Variants in GTF2IRD1 observed in about 807,000 individuals in gnomAD.
The protein encoded by GTF2IRD1 is general transcription factor II-I repeat domain-containing protein 1.
Under a neutral mutation model 113.2 loss-of-function variants are expected in GTF2IRD1, and 26 were observed. The observed-to-expected ratio is 0.23, with a 90% CI of 0.17 to 0.32. The LOEUF (loss-of-function observed/expected upper bound fraction) is 0.32. Ranked by LOEUF, GTF2IRD1 falls within the 10% of genes least tolerant of loss-of-function variation. The probability of loss-of-function intolerance (pLI) is 1.00; values close to 1 mark genes in which losing one functional copy is unlikely to be tolerated. For synonymous variants in GTF2IRD1, 484 were observed against 529.1 expected (o/e 0.91, Z 1.17); for missense variants, 864 against 1,280.8 (o/e 0.67, Z 4.97).
chr7:74,602,392 G>A lies in GTF2IRD1; in HGVS notation c.2794G>A (p.Ala932Thr). The change falls in exon 27 of 27, where the codon GCC (alanine) becomes ACC (threonine). Residue 932 changes from alanine (A) to threonine (T), a missense_variant. By Grantham distance (58) the Ala-to-Thr change is moderately conservative. Transcript: ENST00000424337. ...ATGGCCAATGTACATGGTGGACTAT[G>A]CCGGCCTGAACGTGCAGCTCCCGGG... ...VQWPMYMVDY[A>T]GLNVQLPGPL... 2 of 1,613,758 alleles carry A rather than the reference G, an allele frequency of 1.2e-6. No individual in the cohort carries two copies. The highest frequency in any genetic ancestry group is 1.7e-6 in the Non-Finnish European group (2 of 1,179,714).
At chr7:74,601,490 C>T in intron 26 of GTF2IRD1, 1 of 1,435,418 alleles carries the variant, frequency 7.0e-7, no homozygotes, top group Non-Finnish European at 9.1e-7. Context: ...AAAGACATGG[C>T]TGGCGGGTGC....
intron 1 of GTF2IRD1, among the ~76,000 whole-genome samples, chr7:74,492,964 G>A (rs1795454083): frequency 6.6e-6 from 1 of 151,914 alleles, no homozygotes; most frequent in Admixed American, 6.6e-5. Flanking sequence ...GTAGAGCTGG[G>A]GTCTTGCTGT....
chr7:74,509,132 G>A (rs927954753), intron 2 of GTF2IRD1, among the ~76,000 whole-genome samples: 4 of 152,084 alleles, frequency 2.6e-5, no homozygotes, highest in Admixed American at 2.0e-4. Flanking sequence ...CGAGGCGGGT[G>A]GATCATTTGG....
intron 22 of GTF2IRD1, among the ~76,000 whole-genome samples, chr7:74,575,890 A>G (rs1406484767): frequency 1.3e-5 from 2 of 152,122 alleles, no homozygotes; most frequent in Non-Finnish European, 1.5e-5. Context: ...TCAAGCCTTA[A>G]AACAGGCCGG....
chr7:74,480,989 G>A (rs531282561), intron 1 of GTF2IRD1, among the ~76,000 whole-genome samples: 9 of 152,190 alleles, frequency 5.9e-5, no homozygotes, highest in Non-Finnish European at 1.2e-4. Flanking sequence ...AGCCCCTCCA[G>A]GGAAGAGGCA....
chr7:74,529,712 T>C (rs1179656448), intron 8 of GTF2IRD1, 22 bp from the exon 9 acceptor site: 1 of 1,612,154 alleles, frequency 6.2e-7, no homozygotes, highest in Non-Finnish European at 8.5e-7. Context: ...CACTCAGCCT[T>C]GCTGTTTGGT....
intron 1 of GTF2IRD1, among the ~76,000 whole-genome samples, chr7:74,496,236 G>A (rs1255762512): frequency 1.3e-5 from 2 of 150,186 alleles, no homozygotes; most frequent in African/African-American, 2.4e-5. Flanking sequence ...GTGTGCATGC[G>A]TGTGTGGGTG....
intron 15 of GTF2IRD1, 134 bp downstream of exon 15, chr7:74,544,936 G>A (rs1164270385): frequency 1.5e-6 from 1 of 666,340 alleles, no homozygotes; most frequent in Non-Finnish European, 2.6e-6. Flanking sequence ...CTGGTGTGGG[G>A]GTGGGAATCC....
At chr7:74,547,862 A>C (rs1799049077) in intron 17 of GTF2IRD1, among the ~76,000 whole-genome samples, 1 of 148,624 alleles carries the variant, frequency 6.7e-6, no homozygotes, top group Admixed American at 6.9e-5. Flanking sequence ...CACCGAACTG[A>C]CCCCTCTCGC....
chr7:74,594,322 G>C (rs1366305888), intron 24 of GTF2IRD1, among the ~76,000 whole-genome samples: 1 of 151,750 alleles, frequency 6.6e-6, no homozygotes, highest in Non-Finnish European at 1.5e-5. Context: ...CGAGGCTGCA[G>C]TGAGCTAGGA....
intron 8 of GTF2IRD1, among the ~76,000 whole-genome samples, chr7:74,526,376 G>A (rs1308369298): frequency 6.6e-6 from 1 of 152,224 alleles, no homozygotes; most frequent in Non-Finnish European, 1.5e-5. Flanking sequence ...TGGGGACGGG[G>A]TCTGGCAGCC....
At chr7:74,514,987 G>A (rs1427109175) in intron 3 of GTF2IRD1, among the ~76,000 whole-genome samples, 3 of 150,632 alleles carry the variant, frequency 2.0e-5, no homozygotes, top group Non-Finnish European at 4.4e-5. Flanking sequence ...AACCCTGGAG[G>A]TGGAGGTTGT....
At chr7:74,535,218 T>G (rs1019387157) in intron 10 of GTF2IRD1, 80 bp downstream of exon 10, 2 of 1,135,842 alleles carry the variant, frequency 1.8e-6, no homozygotes, top group Admixed American at 1.7e-5. Context: ...CACCCTGGAC[T>G]TGGTCCTCCT....
At chr7:74,516,463 C>T (rs1318842005) in intron 4 of GTF2IRD1, among the ~76,000 whole-genome samples, 2 of 152,096 alleles carry the variant, frequency 1.3e-5, no homozygotes, top group African/African-American at 4.8e-5. Flanking sequence ...CCTTGGGAAG[C>T]GTCAGGTTGC....
chr7:74,463,761 T>A (rs1793537186), intron 1 of GTF2IRD1, among the ~76,000 whole-genome samples: 1 of 151,500 alleles, frequency 6.6e-6, no homozygotes, highest in Admixed American at 6.6e-5. Context: ...TCTCACTCTG[T>A]CGCCCAGGCT....
intron 2 of GTF2IRD1, among the ~76,000 whole-genome samples, chr7:74,508,592 G>A (rs1796433314): frequency 6.7e-6 from 1 of 149,674 alleles, no homozygotes; most frequent in Non-Finnish European, 1.5e-5. Flanking sequence ...TTGGGAGGCT[G>A]AGGCAGGAGA....
chr7:74,543,175 A>G (rs782686201), intron 14 of GTF2IRD1, among the ~76,000 whole-genome samples: 2 of 152,162 alleles, frequency 1.3e-5, no homozygotes, highest in African/African-American at 2.4e-5. Flanking sequence ...GGTGGTGCGC[A>G]CCTGTTATCC....
intron 22 of GTF2IRD1, among the ~76,000 whole-genome samples, chr7:74,582,296 T>TC (rs1248398866): frequency 2.0e-5 from 3 of 152,200 alleles, no homozygotes; most frequent in Non-Finnish European, 4.4e-5. Context: ...GAGTTGGTCT[T>TC]CACCTGTGGT....
intron 1 of GTF2IRD1, among the ~76,000 whole-genome samples, chr7:74,491,633 C>T (rs1019298735): frequency 1.3e-5 from 2 of 152,238 alleles, no homozygotes; most frequent in Middle Eastern, 3.4e-3. Context: ...CCAGCTCCAT[C>T]CATGTCCCTG....
Sources: gnomAD v4.1 joint callset for allele counts (sites outside exome capture counted in the v4.1 genomes callset) on GRCh38, gnomAD v4.1.1 for gene constraint, MANE v1.5 for transcripts, NCBI Gene and HGNC (gene_info 2026-07-23, HGNC 2026-07-21) for gene names.